Variants in CALN1 observed in about 807,000 individuals in gnomAD.
CALN1 encodes the protein calneuron 1, also known as calcium-binding protein 8.
In CALN1, 17 loss-of-function variants were observed where a neutral mutation model predicts 30.6. The observed-to-expected ratio is 0.56, with a 90% confidence interval of 0.38 to 0.83. The LOEUF is 0.83. Ranked by LOEUF, CALN1 falls within the 40% of genes least tolerant of loss-of-function variation. The pLI is 0.00. For synonymous variants in CALN1, 156 were observed against 131.4 expected, an observed-to-expected ratio of 1.19 and a Z score of -1.28; for missense variants, 291 against 354.9, an observed-to-expected ratio of 0.82 and a Z score of 1.45.
At chr7:72,345,015 G>A (rs1226663054) in intron 2 of CALN1, among the ~76,000 whole-genome samples, 1 of 147,094 alleles carries the variant, frequency 6.8e-6, no homozygotes, top group Non-Finnish European at 1.5e-5. Flanking sequence ...CATTATATAT[G>A]TACAATATAA....
At chr7:72,337,090 G>A in intron 2 of CALN1, 2 of 985,804 alleles carry the variant, frequency 2.0e-6, no homozygotes, top group Non-Finnish European at 2.4e-6. Context: ...TTCAGCCCAT[G>A]TGCGCGGCTG....
chr7:71,862,087 C>A (rs567563899), intron 5 of CALN1, among the ~76,000 whole-genome samples: 1 of 152,204 alleles, frequency 6.6e-6, no homozygotes, highest in Non-Finnish European at 1.5e-5. Flanking sequence ...GACCCTTTTG[C>A]GCTGGACAGA....
At chr7:72,317,390 C>G (rs749162300) in intron 2 of CALN1, among the ~76,000 whole-genome samples, 33 of 152,212 alleles carry the variant, frequency 2.2e-4, no homozygotes, top group Non-Finnish European at 4.0e-4. Flanking sequence ...GTGAGTCTTA[C>G]AAGCCATCAT....
chr7:72,029,433 C>A (rs1801298030), intron 4 of CALN1, among the ~76,000 whole-genome samples: 1 of 152,044 alleles, frequency 6.6e-6, no homozygotes, highest in Admixed American at 6.6e-5. Flanking sequence ...TCTTTGACCC[C>A]ATTTCCTGGC....
the CALN1 span, among the ~76,000 whole-genome samples, chr7:72,493,306 T>C: frequency 1.3e-5 from 2 of 152,160 alleles, no homozygotes; most frequent in Admixed American, 6.5e-5. Flanking sequence ...TTTAGCATAA[T>C]GTTTTCAAGG....
At chr7:72,381,703 G>A (rs979052172) in intron 2 of CALN1, among the ~76,000 whole-genome samples, 1 of 152,124 alleles carries the variant, frequency 6.6e-6, no homozygotes, top group African/African-American at 2.4e-5. Context: ...CCTGTCAGGG[G>A]CATGGGGGCA....
intron 5 of CALN1, among the ~76,000 whole-genome samples, chr7:71,920,725 G>A (rs1244442648): frequency 1.3e-5 from 2 of 152,136 alleles, no homozygotes; most frequent in Non-Finnish European, 2.9e-5. Flanking sequence ...GAGCACATAT[G>A]CCTGACACAT....
At chr7:71,849,187 G>A (rs1228085574) in intron 5 of CALN1, among the ~76,000 whole-genome samples, 2 of 152,156 alleles carry the variant, frequency 1.3e-5, no homozygotes, top group Non-Finnish European at 2.9e-5. Flanking sequence ...GCTGCTGGGT[G>A]AGCATGTAGC....
Position 72,352,463 on chromosome 7 carries a change from G to A in CALN1, c.119+50788C>T, listed in dbSNP as rs181317817. Among the ~76,000 whole-genome samples, 15 of 149,524 alleles carry A rather than the reference G, an allele frequency of 1.0e-4. 1 individual carries two copies. The East Asian group carries it at 1.8e-3, about 18-fold the overall frequency. ...ACAGAAAACATTCTATAACCATAACGGAATTAAATTAGAAATCAGTAATAA... is the reference window on the plus strand; with the variant it reads ...ACAGAAAACATTCTATAACCATAACAGAATTAAATTAGAAATCAGTAATAA... On this transcript the variant is annotated intron_variant, in intron 2 of 6. Transcript: ENST00000395275.
chr7:71,898,251 A>G (rs1014848405), intron 5 of CALN1, among the ~76,000 whole-genome samples: 61 of 152,098 alleles, frequency 4.0e-4, no homozygotes, highest in African/African-American at 1.3e-3. Context: ...AATCGCTTGA[A>G]CCCAGGAGGC....
chr7:72,033,980 T>C (rs1801620425), intron 4 of CALN1, among the ~76,000 whole-genome samples: 1 of 152,076 alleles, frequency 6.6e-6, no homozygotes. Context: ...TAACGAGACA[T>C]GGCAACTGAC....
chr7:72,379,442 A>T (rs1804762555), intron 2 of CALN1, among the ~76,000 whole-genome samples: 1 of 152,262 alleles, frequency 6.6e-6, no homozygotes, highest in Admixed American at 6.5e-5. Context: ...AATGCTCTTC[A>T]TGAATTATCT....
At chr7:72,395,554 CATTT>C (rs1211444486) in intron 2 of CALN1, among the ~76,000 whole-genome samples, 1 of 152,122 alleles carries the variant, frequency 6.6e-6, no homozygotes, top group African/African-American at 2.4e-5. Flanking sequence ...TTTAGAGGAA[CATTT>C]ATTTATATTG....
At chr7:72,152,359 T>C (rs1787319739) in intron 3 of CALN1, among the ~76,000 whole-genome samples, 1 of 152,318 alleles carries the variant, frequency 6.6e-6, no homozygotes, top group Admixed American at 6.5e-5. Context: ...CTCTCACATC[T>C]GCACCCATTT....
At chr7:71,803,191 G>C (rs959458568) in intron 6 of CALN1, among the ~76,000 whole-genome samples, 1 of 152,156 alleles carries the variant, frequency 6.6e-6, no homozygotes, top group Non-Finnish European at 1.5e-5. Flanking sequence ...ATGCCAGAGA[G>C]TTCCTGAATT....
chr7:72,367,856 G>A (rs937032141), intron 2 of CALN1, among the ~76,000 whole-genome samples: 7 of 151,710 alleles, frequency 4.6e-5, no homozygotes, highest in South Asian at 2.1e-4. Flanking sequence ...TATATAGGCC[G>A]GGTCCAGTGG....
intron 4 of CALN1, among the ~76,000 whole-genome samples, chr7:72,025,633 G>A (rs569538023): frequency 6.6e-6 from 1 of 152,080 alleles, no homozygotes; most frequent in Non-Finnish European, 1.5e-5. Context: ...GGTCCTCCAG[G>A]AGTCATCAGT....
chr7:72,409,496 A>G (rs1165377260), intron 1 of CALN1, among the ~76,000 whole-genome samples: 1 of 144,272 alleles, frequency 6.9e-6, no homozygotes, highest in Non-Finnish European at 1.5e-5. Context: ...GGATAGTCTG[A>G]GTGGACTGGC....
chr7:72,303,844 C>T (rs1182218399), intron 2 of CALN1, among the ~76,000 whole-genome samples: 1 of 152,112 alleles, frequency 6.6e-6, no homozygotes, highest in African/African-American at 2.4e-5. Flanking sequence ...ACTGTACTCT[C>T]ATCTGGGTGA....
Sources: gnomAD v4.1 joint callset for allele counts (sites outside exome capture counted in the v4.1 genomes callset) on GRCh38, gnomAD v4.1.1 for gene constraint, MANE v1.5 for transcripts, NCBI Gene and HGNC (gene_info 2026-07-23, HGNC 2026-07-21) for gene names.